The following SLC25A37 variants were observed in gnomAD, a reference collection of about 807,000 sequenced individuals.
SLC25A37 encodes the protein solute carrier family 25 member 37.
A neutral mutation model predicts 31.0 loss-of-function variants in SLC25A37; 17 were observed. That is an observed-to-expected ratio of 0.55 (90% CI 0.38 to 0.82). The LOEUF (loss-of-function observed/expected upper bound fraction) is 0.82, where lower values mean the gene tolerates loss of function less well. Among genes scored for constraint, SLC25A37 ranks in the 40% least tolerant of loss-of-function variants. The probability of loss-of-function intolerance (pLI) is 0.00; values close to 1 mark genes in which losing one functional copy is unlikely to be tolerated. For missense variants in SLC25A37, 404 were observed against 465.8 expected (o/e 0.87, Z 1.22); for synonymous variants, 222 against 193.0 (o/e 1.15, Z -1.24).
At chr8:23,568,494 C>A in intron 3 of SLC25A37, 116 bp downstream of exon 3, 2 of 1,109,084 alleles carry the variant, frequency 1.8e-6, no homozygotes, top group Non-Finnish European at 2.7e-6. Flanking sequence ...AGTCTCCAGT[C>A]AGAGCAGACA....
At chr8:23,535,893 C>T (rs1431225028) in intron 1 of SLC25A37, among the ~76,000 whole-genome samples, 1 of 152,166 alleles carries the variant, frequency 6.6e-6, no homozygotes, top group African/African-American at 2.4e-5. Flanking sequence ...GATTCAATTA[C>T]CTCCCACTGG....
chr8:23,571,122 G>GA (rs1802816166), intron 3 of SLC25A37, among the ~76,000 whole-genome samples: 2 of 152,228 alleles, frequency 1.3e-5, no homozygotes, highest in Non-Finnish European at 2.9e-5. Flanking sequence ...GTGAGTCCTG[G>GA]AGATAAAAAT....
intron 1 of SLC25A37, among the ~76,000 whole-genome samples, chr8:23,539,166 GA>G (rs1274432371): frequency 2.0e-5 from 3 of 152,186 alleles, no homozygotes; most frequent in Admixed American, 6.5e-5. Flanking sequence ...AAAACATGTT[GA>G]AATAGGGAGA....
At chr8:23,550,181 CAAAAAAAAAAA>C (rs67552053) in intron 1 of SLC25A37, among the ~76,000 whole-genome samples, 3 of 68,724 alleles carry the variant, frequency 4.4e-5, no homozygotes, top group South Asian at 4.6e-4. Flanking sequence ...AATTCCGTTT[CAAAAAAAAAAA>C]AAAAAAAAAC....
At chr8:23,569,402 TACACACACAC>T (rs10608830) in intron 3 of SLC25A37, among the ~76,000 whole-genome samples, 1 of 150,138 alleles carries the variant, frequency 6.7e-6, no homozygotes, top group African/African-American at 2.5e-5. Flanking sequence ...TATGTGTGCA[TACACACACAC>T]ACACACACAC....
chr8:23,533,306 G>A (rs192941678), intron 1 of SLC25A37, among the ~76,000 whole-genome samples: 3 of 152,296 alleles, frequency 2.0e-5, no homozygotes, highest in East Asian at 3.9e-4. Context: ...AGCAAAGGGG[G>A]CCTCAGCTTT....
intron 1 of SLC25A37, among the ~76,000 whole-genome samples, chr8:23,552,730 T>C (rs1299695421): frequency 6.6e-6 from 1 of 152,162 alleles, no homozygotes; most frequent in African/African-American, 2.4e-5. Context: ...GCAGTTTCTT[T>C]GAGATTCTGT....
intron 1 of SLC25A37, among the ~76,000 whole-genome samples, chr8:23,548,188 T>TC (rs1802119666): frequency 6.6e-6 from 1 of 152,180 alleles, no homozygotes; most frequent in Admixed American, 6.5e-5. Context: ...TTTCTTTCTT[T>TC]CTTTTTTTTG....
chr8:23,551,577 C>T (rs1196675863), intron 1 of SLC25A37, among the ~76,000 whole-genome samples: 1 of 149,752 alleles, frequency 6.7e-6, no homozygotes, highest in African/African-American at 2.5e-5. Flanking sequence ...GCTGTTTATC[C>T]AAAGGAAAAA....
Position 23,573,990 on chromosome 8 carries a change from T to A in SLC25A37, c.*2135T>A. The A allele has an allele frequency of 2.9e-6, 1 of 347,834 alleles. No individual in the cohort carries two copies. The highest frequency in any genetic ancestry group is 6.0e-6 in the Non-Finnish European group (1 of 167,642). The allele number at this position is 347,834 out of a possible 1,614,324, so 21.5% of individuals were successfully genotyped here. ...AATGGAGGGGAAAAAAATCAAATTC[T>A]AAATTTCAAAGTAGAATTTAAAGCA... On this transcript the variant is annotated 3_prime_UTR_variant, in exon 4 of 4. Coordinates refer to ENST00000519973, the MANE Select transcript of SLC25A37 (RefSeq NM_016612.4).
chr8:23,553,215 G>GT (rs1485975359), intron 1 of SLC25A37, among the ~76,000 whole-genome samples: 2 of 152,158 alleles, frequency 1.3e-5, no homozygotes, highest in African/African-American at 2.4e-5. Flanking sequence ...GAGGTCAGGA[G>GT]TTTGAGACCA....
rs150976903 is a variant in SLC25A37, at chr8:23,531,525, C to G, written c.210+2313C>G. ...ACACCCATCGTCCTCTTTTATGTTA[C>G]TTGAAATATCAAAAGAATTATTACA... On this transcript the variant is annotated intron_variant, in intron 1 of 3. Coordinates refer to ENST00000519973, the MANE Select transcript of SLC25A37 (RefSeq NM_016612.4). Among the ~76,000 whole-genome samples the G allele has an allele frequency of 9.8e-5, 15 of 152,328 alleles. 1 individual carries two copies. Among genetic ancestry groups the G allele is most frequent in the African/African-American group, 3.6e-4 (15 of 41,588 alleles).
intron 1 of SLC25A37, among the ~76,000 whole-genome samples, chr8:23,542,260 A>G (rs6987271): frequency 0.37 from 56,959 of 151,986 alleles, 12,364 homozygotes; most frequent in East Asian, 0.62. Context: ...CAGTCATGTA[A>G]AAGTATAGCA....
chr8:23,565,006 GC>G (rs1157710300), intron 1 of SLC25A37, among the ~76,000 whole-genome samples: 1 of 152,206 alleles, frequency 6.6e-6, no homozygotes, highest in Non-Finnish European at 1.5e-5. Context: ...GTGGGGACTA[GC>G]CAAGTCCAAA....
chr8:23,540,708 A>G (rs1434098041), intron 1 of SLC25A37, among the ~76,000 whole-genome samples: 1 of 152,162 alleles, frequency 6.6e-6, no homozygotes, highest in Admixed American at 6.5e-5. Context: ...AGATCATAGT[A>G]TATGTATATA....
At chr8:23,554,892 T>C (rs1269822804) in intron 1 of SLC25A37, among the ~76,000 whole-genome samples, 1 of 152,212 alleles carries the variant, frequency 6.6e-6, no homozygotes. Flanking sequence ...TCTTGCTTAC[T>C]GCATGGCTTT....
intron 1 of SLC25A37, among the ~76,000 whole-genome samples, chr8:23,535,755 C>T (rs1047167372): frequency 2.6e-5 from 4 of 152,204 alleles, no homozygotes; most frequent in African/African-American, 9.7e-5. Flanking sequence ...GCAAAAGGCA[C>T]ATCTTACATG....
intron 1 of SLC25A37, among the ~76,000 whole-genome samples, chr8:23,543,709 A>G (rs1801960425): frequency 6.6e-6 from 1 of 151,658 alleles, no homozygotes. Context: ...TAAATTTTGT[A>G]TTTTTAGTAG....
intron 3 of SLC25A37, among the ~76,000 whole-genome samples, chr8:23,570,342 C>A (rs1302317424): frequency 6.9e-6 from 1 of 145,026 alleles, no homozygotes; most frequent in South Asian, 2.3e-4. Flanking sequence ...CATGGCTTGT[C>A]CTGTAATGAA....
Sources: gnomAD v4.1 joint callset for allele counts (sites outside exome capture counted in the v4.1 genomes callset) on GRCh38, gnomAD v4.1.1 for gene constraint, MANE v1.5 for transcripts, NCBI Gene and HGNC (gene_info 2026-07-23, HGNC 2026-07-21) for gene names.